Variants in NTRK2 observed in about 807,000 individuals in gnomAD.
NTRK2 encodes BDNF/NT-3 growth factors receptor.
A neutral mutation model predicts 94.5 loss-of-function variants in NTRK2; 13 were observed. That is an observed-to-expected ratio of 0.14 (90% CI 0.09 to 0.22). NTRK2 has a LOEUF of 0.22. Among genes scored for constraint, NTRK2 ranks in the 10% least tolerant of loss-of-function variants. NTRK2 has a pLI of 1.00. For missense variants in NTRK2, 639 were observed against 1,071.2 expected (o/e 0.60, Z 5.63); for synonymous variants, 372 against 407.4 (o/e 0.91, Z 1.05).
At chr9:84,969,850 C>A (rs545891051) in intron 17 of NTRK2, among the ~76,000 whole-genome samples, 2 of 152,300 alleles carry the variant, frequency 1.3e-5, no homozygotes, top group Admixed American at 6.5e-5. Flanking sequence ...AGGTAAAGAA[C>A]ACTTCCTTTA....
chr9:84,742,372 G>A (rs1282041686), intron 10 of NTRK2, among the ~76,000 whole-genome samples: 1 of 152,206 alleles, frequency 6.6e-6, no homozygotes, highest in Non-Finnish European at 1.5e-5. Context: ...GGTTAAAGCA[G>A]CAGCTCCACT....
At chr9:84,935,042 A>G (rs1262128846) in intron 15 of NTRK2, among the ~76,000 whole-genome samples, 1 of 152,216 alleles carries the variant, frequency 6.6e-6, no homozygotes, top group Non-Finnish European at 1.5e-5. Context: ...TATTTTACAT[A>G]TATTTTTCAA....
chr9:84,700,511 G>A (rs2060655537), intron 2 of NTRK2, among the ~76,000 whole-genome samples: 1 of 152,158 alleles, frequency 6.6e-6, no homozygotes, highest in South Asian at 2.1e-4. Flanking sequence ...CTATCTTGGA[G>A]GCTGGTTTTT....
chr9:84,707,016 A>G (rs1201315307), intron 4 of NTRK2, among the ~76,000 whole-genome samples: 1 of 152,214 alleles, frequency 6.6e-6, no homozygotes, highest in Non-Finnish European at 1.5e-5. Flanking sequence ...GATACTCTTT[A>G]AATAAATTTA....
chr9:84,733,212 A>G (rs2063014722), intron 9 of NTRK2, among the ~76,000 whole-genome samples: 1 of 152,160 alleles, frequency 6.6e-6, no homozygotes, highest in Non-Finnish European at 1.5e-5. Context: ...GCACTTCCCT[A>G]AAGAAACTTC....
intron 15 of NTRK2, among the ~76,000 whole-genome samples, chr9:84,938,298 C>G (rs1026829792): frequency 2.0e-5 from 3 of 152,126 alleles, no homozygotes; most frequent in Non-Finnish European, 4.4e-5. Context: ...CTGATAAACC[C>G]TCTAGCACAT....
At chr9:84,852,486 C>T (rs769224753) in intron 12 of NTRK2, among the ~76,000 whole-genome samples, 1 of 152,166 alleles carries the variant, frequency 6.6e-6, no homozygotes, top group Admixed American at 6.5e-5. Context: ...GACTTTCTCA[C>T]GTCTGTCAAC....
At chr9:84,947,314 A>T (rs954619796) in intron 15 of NTRK2, among the ~76,000 whole-genome samples, 1 of 152,184 alleles carries the variant, frequency 6.6e-6, no homozygotes, top group Admixed American at 6.5e-5. Context: ...ATAATCCAGG[A>T]TAATCTCTCC....
intron 12 of NTRK2, among the ~76,000 whole-genome samples, chr9:84,762,264 G>C (rs559196902): frequency 6.6e-6 from 1 of 152,340 alleles, no homozygotes; most frequent in East Asian, 1.9e-4. Flanking sequence ...TGAGAGCAAA[G>C]AGAGGCAGCC....
At chr9:84,700,346 A>G (rs1055473354) in intron 2 of NTRK2, among the ~76,000 whole-genome samples, 2 of 152,336 alleles carry the variant, frequency 1.3e-5, no homozygotes, top group Admixed American at 1.3e-4. Context: ...AGTTGATGTT[A>G]AAAATTGAGC....
intron 4 of NTRK2, among the ~76,000 whole-genome samples, chr9:84,703,673 T>A (rs951858190): frequency 6.6e-6 from 1 of 152,198 alleles, no homozygotes; most frequent in African/African-American, 2.4e-5. Flanking sequence ...ATAAAGCCAA[T>A]ATCATAGCTT....
chr9:84,683,238 T>C (rs1440262754), intron 2 of NTRK2, among the ~76,000 whole-genome samples: 1 of 152,148 alleles, frequency 6.6e-6, no homozygotes, highest in Non-Finnish European at 1.5e-5. Context: ...GTTTGTTACA[T>C]AGGTATACAT....
intron 12 of NTRK2, among the ~76,000 whole-genome samples, chr9:84,779,223 G>A (rs764338767): frequency 2.0e-5 from 3 of 152,160 alleles, no homozygotes; most frequent in Non-Finnish European, 4.4e-5. Flanking sequence ...CTACATGAAT[G>A]CCATTGGAAG....
intron 11 of NTRK2, among the ~76,000 whole-genome samples, chr9:84,748,189 A>G (rs1170280399): frequency 6.6e-6 from 1 of 152,232 alleles, no homozygotes; most frequent in Non-Finnish European, 1.5e-5. Flanking sequence ...ACAACTGACC[A>G]AACAAACTCA....
chr9:84,830,450 T>C (rs375538247), intron 12 of NTRK2, among the ~76,000 whole-genome samples: 4 of 152,236 alleles, frequency 2.6e-5, no homozygotes, highest in African/African-American at 9.6e-5. Flanking sequence ...GGGTTCCTTA[T>C]TATTTTCCTG....
intron 12 of NTRK2, among the ~76,000 whole-genome samples, chr9:84,804,455 G>T (rs1487762786): frequency 6.6e-6 from 1 of 152,242 alleles, no homozygotes; most frequent in Non-Finnish European, 1.5e-5. Flanking sequence ...TTTGGTCAAT[G>T]GCCTACAGTT....
At chr9:84,954,884 A>G (rs944634032) in intron 16 of NTRK2, among the ~76,000 whole-genome samples, 12 of 152,098 alleles carry the variant, frequency 7.9e-5, no homozygotes, top group African/African-American at 2.7e-4. Flanking sequence ...ATCTTTCCCC[A>G]TATGTTTTGT....
intron 12 of NTRK2, among the ~76,000 whole-genome samples, chr9:84,855,914 C>T (rs991055162): frequency 1.3e-5 from 2 of 152,126 alleles, no homozygotes; most frequent in Admixed American, 1.3e-4. Flanking sequence ...ATAGGCAAGG[C>T]CTGGAAGTGG....
At chr9:84,727,419 G>A (rs2062544202) in intron 8 of NTRK2, among the ~76,000 whole-genome samples, 1 of 152,196 alleles carries the variant, frequency 6.6e-6, no homozygotes, top group African/African-American at 2.4e-5. Context: ...AGAAATGACT[G>A]TAATGCAGGG....
Sources: allele counts gnomAD v4.1 joint callset (sites outside exome capture counted in the v4.1 genomes callset), GRCh38; gene constraint gnomAD v4.1.1; transcripts MANE v1.5; gene names NCBI Gene and HGNC (gene_info 2026-07-23, HGNC 2026-07-21).